The following DRAM2 variants were observed in gnomAD, a reference collection of about 807,000 sequenced individuals.
DRAM2 encodes DNA damage regulated autophagy modulator 2, also known as DNA damage-regulated autophagy modulator protein 2.
DRAM2 carries 26 observed loss-of-function variants against 33.5 expected under a neutral mutation model. The observed-to-expected ratio is 0.78, with a 90% CI of 0.57 to 1.08. The LOEUF (loss-of-function observed/expected upper bound fraction) is 1.08. Ranked by LOEUF, DRAM2 falls within the 50% of genes least tolerant of loss-of-function variation. DRAM2 has a pLI of 0.00. For synonymous variants in DRAM2, 98 were observed against 109.5 expected (o/e 0.89, Z 0.66); for missense variants, 311 against 318.1 (o/e 0.98, Z 0.17).
intron 3 of DRAM2, among the ~76,000 whole-genome samples, chr1:111,133,105 T>C (rs1008509676): frequency 2.3e-4 from 35 of 152,196 alleles, no homozygotes; most frequent in African/African-American, 8.4e-4. Context: ...CCTACAATGG[T>C]TTCCCCTATA....
chr1:111,137,645 T>C (rs1157873095), intron 2 of DRAM2, 59 bp from the exon 3 acceptor site: 4 of 152,300 alleles, frequency 2.6e-5, no homozygotes, highest in Middle Eastern at 3.4e-3. Context: ...ATTTTAAACA[T>C]GTACAGTTTT....
chr1:111,134,033 T>C (rs965489665), intron 3 of DRAM2, among the ~76,000 whole-genome samples: 2 of 152,206 alleles, frequency 1.3e-5, no homozygotes, highest in African/African-American at 2.4e-5. Context: ...TTCACTATTA[T>C]ATTTCCAGCT....
chr1:111,131,691 T>G, intron 3 of DRAM2, 123 bp from the exon 4 acceptor site: 2 of 860,606 alleles, frequency 2.3e-6, no homozygotes, highest in Non-Finnish European at 3.6e-6. Context: ...AAATCATCCC[T>G]CATGCCATAC....
intron 6 of DRAM2, among the ~76,000 whole-genome samples, chr1:111,121,294 T>C (rs993967106): frequency 2.0e-5 from 3 of 152,100 alleles, no homozygotes; most frequent in Admixed American, 1.3e-4. Context: ...ATAGTTACAC[T>C]GCTATAAGCC....
Position 111,120,681 on chromosome 1 carries a change from A to C in DRAM2, c.352T>G (p.Phe118Val), listed in dbSNP as rs763280980. ...ACAGCTCCACTTACATGTGCAGCAAAAAGGGTTGTTTTCTGAGAGATAGAG... is the reference window on the plus strand; with the variant it reads ...ACAGCTCCACTTACATGTGCAGCAACAAGGGTTGTTTTCTGAGAGATAGAG... Reference protein sequence around the residue: ...IVANFQKTTLFAAHVSGAVLT... With the variant: ...IVANFQKTTLVAAHVSGAVLT... Residue 118 changes from phenylalanine to valine, a missense_variant, in exon 7 of 10, where the codon TTT becomes GTT. By Grantham distance (50) the Phe-to-Val change is conservative. Coordinates refer to ENST00000484310, the MANE Select transcript of DRAM2 (RefSeq NM_001349884.2). 2 of 1,545,584 alleles carry C rather than the reference A, an allele frequency of 1.3e-6. No individual in the cohort carries two copies. The highest frequency in any genetic ancestry group is 1.7e-6 in the Non-Finnish European group (2 of 1,145,118).
rs980035570 is a variant in DRAM2, at chr1:111,139,522, G to C, written c.-100C>G. On this transcript the variant is annotated 5_prime_UTR_variant, in exon 2 of 10. Coordinates refer to ENST00000484310, the MANE Select transcript of DRAM2 (RefSeq NM_001349884.2). Reference sequence around the variant, plus strand: ...TCACAACAGGAACGTGTACTCAACAGGAACGTGTACTCAATTAGCTTTTGT... The same window carrying C: ...TCACAACAGGAACGTGTACTCAACACGAACGTGTACTCAATTAGCTTTTGT... 8 of 152,272 alleles carry C rather than the reference G, an allele frequency of 5.3e-5. No individual in the cohort carries two copies. Among genetic ancestry groups the C allele is most frequent in the African/African-American group, 1.7e-4 (7 of 41,454 alleles). The allele number at this position is 152,272 out of a possible 1,614,324, so 9.4% of individuals were successfully genotyped here. A position where few individuals can be genotyped will look rare whatever the true frequency, so the allele number is the denominator to read the frequency against.
chr1:111,127,956 T>C (rs949263350), intron 4 of DRAM2: 5 of 152,182 alleles, frequency 3.3e-5, no homozygotes, highest in East Asian at 1.9e-4. Context: ...AAAATATACA[T>C]AGATGTTGTA....
chr1:111,132,972 GC>G (rs1244161339), intron 3 of DRAM2, among the ~76,000 whole-genome samples: 1 of 151,920 alleles, frequency 6.6e-6, no homozygotes, highest in Non-Finnish European at 1.5e-5. Context: ...GAGCCACCCA[GC>G]CAGCCTAGTT....
chr1:111,126,416 C>A, intron 4 of DRAM2, 122 bp from the exon 5 acceptor site: 1 of 584,846 alleles, frequency 1.7e-6, no homozygotes, highest in South Asian at 2.5e-5. Context: ...TCCATGAGTT[C>A]AACTCATATC....
At chr1:111,122,377 AG>A (rs1450992411) in intron 6 of DRAM2, among the ~76,000 whole-genome samples, 1 of 148,052 alleles carries the variant, frequency 6.8e-6, no homozygotes, top group Non-Finnish European at 1.5e-5. Context: ...GAAGACAGTA[AG>A]GAGGGAAGTA....
intron 3 of DRAM2, among the ~76,000 whole-genome samples, chr1:111,133,735 C>T (rs1652606441): frequency 6.6e-6 from 1 of 152,190 alleles, no homozygotes; most frequent in Admixed American, 6.5e-5. Context: ...TTCTAGTGCC[C>T]AATCAACTAT....
intron 1 of DRAM2, 126 bp downstream of exon 1, chr1:111,139,912 C>T (rs1368797366): frequency 6.6e-6 from 1 of 152,322 alleles, no homozygotes; most frequent in African/African-American, 2.4e-5. Flanking sequence ...GCCTGCGACG[C>T]GGGTAAGGGG....
intron 3 of DRAM2, among the ~76,000 whole-genome samples, chr1:111,136,732 A>G (rs1343127392): frequency 6.6e-6 from 1 of 152,186 alleles, no homozygotes; most frequent in Non-Finnish European, 1.5e-5. Context: ...TTAATTCCTC[A>G]GTCACACTAC....
At chr1:111,130,570 T>G (rs533197458) in intron 4 of DRAM2, among the ~76,000 whole-genome samples, 75 of 150,198 alleles carry the variant, frequency 5.0e-4, no homozygotes, top group African/African-American at 1.6e-3. Flanking sequence ...CGTGGTGGTG[T>G]GCGCCTGTAA....
At chr1:111,123,006 G>A (rs1281785760) in intron 6 of DRAM2, among the ~76,000 whole-genome samples, 1 of 152,130 alleles carries the variant, frequency 6.6e-6, no homozygotes, top group African/African-American at 2.4e-5. Flanking sequence ...AATTTGCTGG[G>A]CTGTGTAAAC....
intron 6 of DRAM2, among the ~76,000 whole-genome samples, chr1:111,124,462 G>A (rs984564068): frequency 1.3e-5 from 2 of 152,194 alleles, no homozygotes; most frequent in Non-Finnish European, 2.9e-5. Context: ...GTAGTGAGTT[G>A]AAGTAATCTC....
In DRAM2 at chr1:111,117,327, T is replaced by C. The variant is rs889217418; in HGVS notation, c.*833A>G. On this transcript the variant is annotated 3_prime_UTR_variant, in exon 10 of 10. Transcript: ENST00000484310. The stretch of plus-strand genomic sequence containing the variant: ...CCATAAATGAAAATCTAAGAAGCTC[T>C]TGAGTATGGTTATGACTTTTATTAA... 12 of 152,078 alleles carry C rather than the reference T, an allele frequency of 7.9e-5. No homozygotes were observed. Among genetic ancestry groups the C allele is most frequent in the African/African-American group, 2.4e-4 (10 of 41,420 alleles). 9.4% of individuals were successfully genotyped at this position (152,078 alleles called of 1,614,324 possible). A position where few individuals can be genotyped will look rare whatever the true frequency, so the allele number is the denominator to read the frequency against.
In DRAM2 at chr1:111,119,877, T is replaced by A. The variant is rs560739161; in HGVS notation, c.600A>T (p.Lys200Asn). 11 of 1,612,102 alleles carry A rather than the reference T, an allele frequency of 6.8e-6. No homozygotes were observed. Among genetic ancestry groups the A allele is most frequent in the Middle Eastern group, 1.7e-4 (1 of 6,056 alleles). ...AAGTTTATAGACTGTAAGTTCTTAC[T>A]TTGTCCTCGGGGTTCCAATGGAGTT... ...EQKLHWNPED[K>N]GYVLHMITTA... is the part of the protein sequence containing the mutation. Residue 200 changes from lysine (K) to asparagine (N), a missense_variant and splice_region_variant, in exon 8 of 10, where the codon AAA becomes AAT. Coordinates refer to ENST00000484310, the MANE Select transcript of DRAM2 (RefSeq NM_001349884.2).
At chr1:111,138,237 A>G (rs994779636) in intron 2 of DRAM2, among the ~76,000 whole-genome samples, 2 of 152,194 alleles carry the variant, frequency 1.3e-5, no homozygotes, top group Non-Finnish European at 2.9e-5. Context: ...CCAGTTGTTT[A>G]AACTGACAGT....
Sources: gnomAD v4.1 joint callset for allele counts (sites outside exome capture counted in the v4.1 genomes callset) on GRCh38, gnomAD v4.1.1 for gene constraint, MANE v1.5 for transcripts, NCBI Gene and HGNC (gene_info 2026-07-23, HGNC 2026-07-21) for gene names.